FLNB: variants seen among roughly 807,000 people sequenced by gnomAD.
The protein encoded by FLNB is filamin-B.
FLNB carries 111 observed loss-of-function variants against 250.6 expected under a neutral mutation model. That is an observed-to-expected ratio of 0.44 (90% CI 0.38 to 0.52). The LOEUF is 0.52. Ranked by LOEUF, FLNB falls within the 20% of genes least tolerant of loss-of-function variation. The probability of loss-of-function intolerance (pLI) is 0.00; values close to 1 mark genes in which losing one functional copy is unlikely to be tolerated. For missense variants in FLNB, 2,869 were observed against 3,447.8 expected (o/e 0.83, Z 4.20); for synonymous variants, 1,302 against 1,372.1 (o/e 0.95, Z 1.13).
chr3:58,162,331 A>G (rs17058930), intron 42 of FLNB, among the ~76,000 whole-genome samples: 2,641 of 152,246 alleles, frequency 0.017, 68 homozygotes, highest in African/African-American at 0.06. Flanking sequence ...AGGAAGCGGC[A>G]GTCAGGTGGT....
rs1217938363 is a variant in FLNB, at chr3:58,169,109, C to T, written c.7417+451C>T. On this transcript the variant is annotated intron_variant, in intron 44 of 45. Coordinates refer to ENST00000295956, the MANE Select transcript of FLNB (RefSeq NM_001457.4). This position sits in a 1 kb window ranked among gnomAD's most constrained non-coding sequence, Gnocchi z 4.8. ...ACCACCATAAACACTGTAGTAAATC[C>T]CTTCCACACGTCATGATTCACTGTT... The T allele has an allele frequency of 1.5e-5, 4 of 275,124 alleles. No individual in the cohort carries two copies. Among genetic ancestry groups the T allele is most frequent in the Non-Finnish European group, 2.8e-5 (4 of 142,504 alleles). 17.0% of individuals were successfully genotyped at this position (275,124 alleles called of 1,614,324 possible). A position where few individuals can be genotyped will look rare whatever the true frequency, so the allele number is the denominator to read the frequency against.
intron 1 of FLNB, among the ~76,000 whole-genome samples, chr3:58,029,114 T>G (rs991267671): frequency 2.0e-5 from 3 of 152,054 alleles, no homozygotes; most frequent in African/African-American, 7.2e-5. Context: ...TTTGTTGTTT[T>G]TATGGTGTTA....
chr3:58,107,275 C>T (rs1315843485), intron 12 of FLNB, among the ~76,000 whole-genome samples: 3 of 152,190 alleles, frequency 2.0e-5, no homozygotes, highest in Non-Finnish European at 4.4e-5. Flanking sequence ...AAGTGATCCA[C>T]CCGCCTCGGC....
chr3:58,118,093 G>A (rs1014437673), intron 18 of FLNB, among the ~76,000 whole-genome samples: 3 of 152,204 alleles, frequency 2.0e-5, no homozygotes, highest in Non-Finnish European at 2.9e-5. Flanking sequence ...AGAAGAAGCC[G>A]GCTGTGTGCC....
chr3:58,078,131 A>T (rs2106949828), intron 2 of FLNB: 2 of 296,860 alleles, frequency 6.7e-6, no homozygotes, highest in South Asian at 2.7e-4. Context: ...GAGAGCCTAT[A>T]AGTTGGTGTC....
intron 4 of FLNB, among the ~76,000 whole-genome samples, chr3:58,091,077 CAAAA>C (rs35189686): frequency 1.8e-5 from 2 of 109,568 alleles, no homozygotes; most frequent in Non-Finnish European, 4.1e-5. Flanking sequence ...GACTCCGTCT[CAAAA>C]AAAAAAAAAA....
Position 58,109,278 on chromosome 3 carries a change from G to T in FLNB, c.2155G>T (p.Ala719Ser), listed in dbSNP as rs1366568037. The T allele has an allele frequency of 1.9e-6, 3 of 1,614,110 alleles. No individual in the cohort carries two copies. Among genetic ancestry groups the T allele is most frequent in the Non-Finnish European group, 2.5e-6 (3 of 1,180,042 alleles). ...TPVKAIKHTI[A>S]VVWGGVNIPH... The stretch of plus-strand genomic sequence containing the variant: ...GGTGAAGGCCATCAAGCACACCATT[G>T]CTGTGGTCTGGGGAGGCGTGAACAT... Residue 719 changes from alanine to serine, a missense_variant, in exon 14 of 46, where the codon GCT (alanine) becomes TCT (serine). Coordinates refer to ENST00000295956, the MANE Select transcript of FLNB (RefSeq NM_001457.4).
In FLNB at chr3:58,143,631, GC is replaced by G; in HGVS notation, c.5425+21del. The stretch of plus-strand genomic sequence containing the variant: ...CATCCCTGGTAAGCTGAGTCAGCAG[GC>G]CCAGCAGGGCTCCACCATTCAGGGG... On this transcript the variant is annotated intron_variant, in intron 32 of 45. Transcript: ENST00000295956. 1 of 1,613,256 alleles carries G rather than the reference GC, an allele frequency of 6.2e-7. No homozygotes were observed. Among genetic ancestry groups the G allele is most frequent in the Non-Finnish European group, 8.5e-7 (1 of 1,180,022 alleles).
intron 1 of FLNB, among the ~76,000 whole-genome samples, chr3:58,013,801 C>T (rs992267559): frequency 6.6e-6 from 1 of 152,162 alleles, no homozygotes; most frequent in Non-Finnish European, 1.5e-5. Context: ...CCAGCTTGGG[C>T]AACAGGAGCA....
chr3:58,082,342 A>G (rs1473763870), intron 4 of FLNB, among the ~76,000 whole-genome samples: 4 of 152,228 alleles, frequency 2.6e-5, no homozygotes, highest in African/African-American at 9.6e-5. Context: ...CTTCAAGCAC[A>G]CTAGCTTTGT....
chr3:58,140,110 C>T (rs975156078), intron 29 of FLNB, among the ~76,000 whole-genome samples: 5 of 152,208 alleles, frequency 3.3e-5, no homozygotes, highest in African/African-American at 1.2e-4. Flanking sequence ...AGAACCTTAA[C>T]TAGATGGACT....
chr3:58,158,234 G>A (rs2097356234), intron 41 of FLNB, among the ~76,000 whole-genome samples: 1 of 152,184 alleles, frequency 6.6e-6, no homozygotes, highest in African/African-American at 2.4e-5. Flanking sequence ...TGATCAAAAT[G>A]CTTCAAGTCT....
At chr3:58,026,903 T>C (rs1283814066) in intron 1 of FLNB, among the ~76,000 whole-genome samples, 1 of 152,194 alleles carries the variant, frequency 6.6e-6, no homozygotes, top group Non-Finnish European at 1.5e-5. Context: ...CTTTATGTTT[T>C]AATGATGGGA....
At chr3:58,029,506 CTTTT>C (rs548364805) in intron 1 of FLNB, among the ~76,000 whole-genome samples, 3 of 136,478 alleles carry the variant, frequency 2.2e-5, no homozygotes, top group African/African-American at 2.7e-5. Flanking sequence ...AATGAGAATT[CTTTT>C]TTTTTTTTTT....
At chr3:58,046,325 TA>T (rs1207638875) in intron 1 of FLNB, among the ~76,000 whole-genome samples, 1 of 152,076 alleles carries the variant, frequency 6.6e-6, no homozygotes, top group Non-Finnish European at 1.5e-5. Flanking sequence ...TTTCTTTCTT[TA>T]AAAAAATCCC....
rs1254821613 is a variant in FLNB, at chr3:58,036,472, C to CGTT, written c.292+27616_292+27617insGTT. Among the ~76,000 whole-genome samples, 9 of 151,978 alleles carry CGTT rather than the reference C, an allele frequency of 5.9e-5. No individual in the cohort carries two copies. In the East Asian group the frequency reaches 1.5e-3, roughly 26 times the overall value. On this transcript the variant is annotated intron_variant, in intron 1 of 45. Coordinates refer to ENST00000295956, the MANE Select transcript of FLNB (RefSeq NM_001457.4). ...GGTCGAAGTGACGTTTTCTTGCTGTCTTCTGTTCCTGGGTGGGATGGCAGA... is the reference window on the plus strand; with the variant it reads ...GGTCGAAGTGACGTTTTCTTGCTGTCGTTTTCTGTTCCTGGGTGGGATGGCAGA...
rs143743264 is a variant in FLNB at position 58,081,676 on chromosome 3, A to G, written c.687A>G (p.Ser229=). 9.9e-6 allele frequency: 16 copies of G among 1,614,000 alleles called. No individual in the cohort carries two copies. Among genetic ancestry groups the G allele is most frequent in the Non-Finnish European group, 1.3e-5 (15 of 1,179,976 alleles). ...TTCACCCGGATGTGGACGAGCACTC[A>G]GTTATGACTTACCTGTCCCAGTTCC... ...EIIHPDVDEH[S]VMTYLSQFPK... is the part of the protein sequence containing the mutation. Residue 229 remains serine, a synonymous_variant, in exon 4 of 46, where the codon TCA becomes TCG. Transcript: ENST00000295956.
chr3:58,155,540 C>T (rs13075863), intron 40 of FLNB, among the ~76,000 whole-genome samples: 20,380 of 151,966 alleles, frequency 0.13, 1,698 homozygotes, highest in African/African-American at 0.22. Context: ...GAAAATGATA[C>T]GTCAAAATAA....
At chr3:58,014,654 C>CAGAT (rs1447993204) in intron 1 of FLNB, among the ~76,000 whole-genome samples, 2 of 152,192 alleles carry the variant, frequency 1.3e-5, no homozygotes, top group South Asian at 4.1e-4. Flanking sequence ...CTTAGGGGAG[C>CAGAT]AGATACCCAG....
Sources: gnomAD v4.1 joint callset for allele counts (sites outside exome capture counted in the v4.1 genomes callset) on GRCh38, gnomAD v4.1.1 for gene constraint, Gnocchi (gnomAD v3.1) non-coding constraint, MANE v1.5 for transcripts, NCBI Gene and HGNC (gene_info 2026-07-23, HGNC 2026-07-21) for gene names.